Variants in ANXA4 observed in about 807,000 individuals in gnomAD.
ANXA4 encodes the protein annexin A4, also known as 35-beta calcimedin.
ANXA4 carries 39 observed loss-of-function variants against 49.8 expected under a neutral mutation model. The ratio of observed to expected loss-of-function variants is 0.78; its 90% CI spans 0.61 to 1.02. The LOEUF (loss-of-function observed/expected upper bound fraction) is 1.02, where lower values mean the gene tolerates loss of function less well. ANXA4 is among the 50% of genes least tolerant of loss of function. The pLI, the probability that ANXA4 is intolerant of heterozygous loss-of-function variation, is 0.00. For missense variants in ANXA4, 360 were observed against 410.1 expected, an observed-to-expected ratio of 0.88 and a Z score of 1.05; for synonymous variants, 134 against 152.5, an observed-to-expected ratio of 0.88 and a Z score of 0.89.
At chr2:69,747,114 C>A (rs141342860) in intron 1 of ANXA4, among the ~76,000 whole-genome samples, 4 of 151,912 alleles carry the variant, frequency 2.6e-5, no homozygotes, top group African/African-American at 9.7e-5. Flanking sequence ...AGCAGGAAGC[C>A]CCCCCATGTC....
chr2:69,821,732 G>C (rs996553649), intron 12 of ANXA4, among the ~76,000 whole-genome samples: 2 of 152,122 alleles, frequency 1.3e-5, no homozygotes, highest in Non-Finnish European at 1.5e-5. Context: ...GATTACAGGT[G>C]TGAGCCACCA....
upstream of ANXA4, among the ~76,000 whole-genome samples, chr2:69,739,856 T>C (rs1185933060): frequency 6.6e-6 from 1 of 152,188 alleles, no homozygotes; most frequent in Non-Finnish European, 1.5e-5. Flanking sequence ...AGTGAGGGTA[T>C]TCTCGAGGGA....
At chr2:69,725,235 C>T (rs1669931071) in intron 3 of ANXA4, among the ~76,000 whole-genome samples, 1 of 151,960 alleles carries the variant, frequency 6.6e-6, no homozygotes, top group Non-Finnish European at 1.5e-5. Flanking sequence ...AACATATTAA[C>T]ATATATATTA....
At chr2:69,656,413 A>G (rs145515383) in intron 2 of ANXA4, among the ~76,000 whole-genome samples, 2,789 of 135,748 alleles carry the variant, frequency 0.021, 129 homozygotes, top group African/African-American at 0.063. Context: ...ATATATATGT[A>G]TATATATATG....
intron 3 of ANXA4, among the ~76,000 whole-genome samples, chr2:69,790,099 C>CT (rs747483343): frequency 9.9e-5 from 15 of 151,360 alleles, no homozygotes; most frequent in Middle Eastern, 3.4e-3. Flanking sequence ...AAGAGAAGTG[C>CT]TTTTTTTTTG....
At chr2:69,683,875 T>G (rs1433095543) in intron 2 of ANXA4, among the ~76,000 whole-genome samples, 1 of 152,232 alleles carries the variant, frequency 6.6e-6, no homozygotes, top group African/African-American at 2.4e-5. Context: ...TCATATCTCC[T>G]AGCTCAGGGC....
intron 3 of ANXA4, 41 bp downstream of exon 3, chr2:69,788,182 C>G: frequency 2.6e-6 from 4 of 1,555,444 alleles, no homozygotes; most frequent in Non-Finnish European, 3.5e-6. Flanking sequence ...GCGTGCATTG[C>G]ACATCACAGG....
At chr2:69,643,931 G>A, upstream of ANXA4, 2 of 1,127,892 alleles carry the variant, frequency 1.8e-6, no homozygotes, top group Non-Finnish European at 1.1e-6. Context: ...GGGTCTCAGT[G>A]CAGACAGAGT....
intron 2 of ANXA4, among the ~76,000 whole-genome samples, chr2:69,718,681 G>A (rs72901473): frequency 0.088 from 13,425 of 151,964 alleles, 1,927 homozygotes; most frequent in African/African-American, 0.3. Flanking sequence ...ATGTACACAC[G>A]TATACACATG....
intron 2 of ANXA4, among the ~76,000 whole-genome samples, chr2:69,785,801 C>A (rs34198970): frequency 0.19 from 28,814 of 152,022 alleles, 3,155 homozygotes; most frequent in East Asian, 0.34. Context: ...GCCAACTACT[C>A]CCTCCTTCCT....
chr2:69,658,765 G>C (rs1559049689), intron 2 of ANXA4, among the ~76,000 whole-genome samples: 1 of 152,136 alleles, frequency 6.6e-6, no homozygotes, highest in African/African-American at 2.4e-5. Flanking sequence ...CACCATCTCA[G>C]CTCACTGCAA....
At chr2:69,668,813 T>C (rs188467968) in intron 2 of ANXA4, among the ~76,000 whole-genome samples, 95 of 152,318 alleles carry the variant, frequency 6.2e-4, no homozygotes, top group African/African-American at 2.2e-3. Flanking sequence ...TGGTCAGTAA[T>C]ATTACCACAT....
intron 8 of ANXA4, 44 bp from the exon 9 acceptor site, chr2:69,816,057 A>G (rs776485863): frequency 1.3e-6 from 2 of 1,492,214 alleles, no homozygotes; most frequent in African/African-American, 1.4e-5. Flanking sequence ...GTGTCCTGGC[A>G]CATCGTTTTT....
chr2:69,656,740 G>T (rs1676516013), intron 2 of ANXA4, among the ~76,000 whole-genome samples: 1 of 151,618 alleles, frequency 6.6e-6, no homozygotes, highest in Non-Finnish European at 1.5e-5. Flanking sequence ...AGTAGAGATG[G>T]GGTTTCACCA....
At chr2:69,680,487 CT>C (rs140961194) in intron 2 of ANXA4, among the ~76,000 whole-genome samples, 20,696 of 152,104 alleles carry the variant, frequency 0.14, 2,049 homozygotes, top group East Asian at 0.37. Flanking sequence ...ATCTGGATGC[CT>C]TTTATTTCTT....
chr2:69,696,123 C>T (rs1305072101), intron 2 of ANXA4, among the ~76,000 whole-genome samples: 1 of 152,196 alleles, frequency 6.6e-6, no homozygotes. Context: ...TTGTGAGATG[C>T]TGTTTGATAG....
chr2:69,820,013 A>G (rs1040005332), intron 11 of ANXA4, among the ~76,000 whole-genome samples: 1 of 151,420 alleles, frequency 6.6e-6, no homozygotes, highest in African/African-American at 2.4e-5. Flanking sequence ...GGTTGCAGTG[A>G]GCTGAAATTG....
At chr2:69,751,860 G>A (rs940865974) in intron 1 of ANXA4, among the ~76,000 whole-genome samples, 17 of 152,154 alleles carry the variant, frequency 1.1e-4, no homozygotes, top group African/African-American at 4.1e-4. Flanking sequence ...TCTGCCAAAT[G>A]GGCAAAGGTG....
At chr2:69,732,759 A>G (rs1670139629) in intron 3 of ANXA4, among the ~76,000 whole-genome samples, 1 of 152,116 alleles carries the variant, frequency 6.6e-6, no homozygotes, top group South Asian at 2.1e-4. Flanking sequence ...ACTCTGTCTC[A>G]AAAAAAGAAA....
Sources: allele counts gnomAD v4.1 joint callset (sites outside exome capture counted in the v4.1 genomes callset), GRCh38; gene constraint gnomAD v4.1.1; transcripts MANE v1.5; gene names NCBI Gene and HGNC (gene_info 2026-07-23, HGNC 2026-07-21).